Variants in PASK observed in about 807,000 individuals in gnomAD.
The protein encoded by PASK is PAS domain-containing serine/threonine-protein kinase.
In PASK, 110 loss-of-function variants were observed where a neutral mutation model predicts 121.0. The ratio of observed to expected loss-of-function variants is 0.91; its 90% CI spans 0.78 to 1.06. PASK has a LOEUF of 1.06. Ranked by LOEUF, PASK falls within the 50% of genes least tolerant of loss-of-function variation. The probability of loss-of-function intolerance (pLI) is 0.00; values close to 1 mark genes in which losing one functional copy is unlikely to be tolerated. For missense variants in PASK, 1,643 were observed against 1,702.3 expected (o/e 0.97, Z 0.61); for synonymous variants, 686 against 717.8 (o/e 0.96, Z 0.71).
chr2:241,138,612 GC>G, intron 5 of PASK, 41 bp downstream of exon 5: 1 of 1,610,998 alleles, frequency 6.2e-7, no homozygotes, highest in East Asian at 2.2e-5. Flanking sequence ...AACGACGCCG[GC>G]TCCAGCGTCC....
Position 241,127,427 on chromosome 2 carries a change from G to C in PASK, c.1488C>G (p.Ser496Arg). 1.2e-6 allele frequency: 2 copies of C among 1,614,048 alleles called. No homozygotes were observed. The highest frequency in any genetic ancestry group is 1.7e-6 in the Non-Finnish European group (2 of 1,179,908). Residue 496 changes from serine (S) to arginine (R), a missense_variant, in exon 10 of 18, where the codon AGC (serine) becomes AGG (arginine). Coordinates refer to ENST00000234040, the MANE Select transcript of PASK (RefSeq NM_015148.4). ...APGVDNVPEG[S>R]LPVHGEQALP... ...GCGCCTGTTCACCGTGCACTGGCAG[G>C]CTTCCTTCTGGGACATTGTCCACCC... is the stretch of plus-strand genomic sequence containing the variant.
At chr2:241,119,040 AC>A in intron 12 of PASK, 1 of 642,344 alleles carries the variant, frequency 1.6e-6, no homozygotes, top group Non-Finnish European at 2.0e-6. Flanking sequence ...CCTGAGGCCC[AC>A]CCCAGAGGCT....
chr2:241,121,422 A>G (rs2065604798), intron 12 of PASK, among the ~76,000 whole-genome samples: 1 of 152,252 alleles, frequency 6.6e-6, no homozygotes, highest in Non-Finnish European at 1.5e-5. Context: ...AATAAAATAT[A>G]GTCAACAGAA....
At chr2:241,148,835 A>C (rs961162624) in intron 1 of PASK, among the ~76,000 whole-genome samples, 6 of 152,212 alleles carry the variant, frequency 3.9e-5, no homozygotes, top group African/African-American at 1.4e-4. Context: ...AATGGTACTG[A>C]GATGCGGAAG....
Position 241,112,980 on chromosome 2 carries a change from G to GT in PASK, c.3334-542dup, listed in dbSNP as rs1195602435. On this transcript the variant is annotated intron_variant, in intron 14 of 17. Transcript: ENST00000234040. The surrounding 1 kb of genome is among the most constrained non-coding windows in gnomAD (Gnocchi z 5.2). ...GTGGCTTCTCAGAGAGCAGCATGAC[G>GT]TATCAGCCATCCTTTCCCCAAATGT... is the stretch of plus-strand genomic sequence containing the variant. 6.6e-6 allele frequency among the ~76,000 whole-genome samples: 1 copy of GT among 152,228 alleles called. No individual in the cohort carries two copies. The highest frequency in any genetic ancestry group is 1.5e-5 in the Non-Finnish European group (1 of 68,040).
intron 7 of PASK, 44 bp downstream of exon 7, chr2:241,136,960 C>A (rs1280373638): frequency 5.6e-6 from 9 of 1,594,262 alleles, no homozygotes; most frequent in African/African-American, 1.3e-5. Context: ...AGCACAGCAG[C>A]TTCCTCCCAG....
At chr2:241,115,524 C>A in intron 12 of PASK, 111 bp from the exon 13 acceptor site, 2 of 1,288,906 alleles carry the variant, frequency 1.6e-6, no homozygotes, top group South Asian at 1.2e-5. Flanking sequence ...GCCACCCGGT[C>A]CTCAAGCATC....
chr2:241,119,265 G>C (rs894789262), intron 12 of PASK, among the ~76,000 whole-genome samples: 1 of 152,190 alleles, frequency 6.6e-6, no homozygotes, highest in Non-Finnish European at 1.5e-5. Context: ...CTTTCGGAGG[G>C]TGGGGAGGGA....
At position 241,112,138 on chromosome 2, in the gene PASK, C is replaced by A; in HGVS notation, c.3533+102G>T. ...CACCCTGACCACTCAACACTCATCA[C>A]AAAGAGGCACAAAGGAAGCCATTTT... On this transcript the variant is annotated intron_variant, in intron 15 of 17. Transcript: ENST00000234040. This position sits in a 1 kb window ranked among gnomAD's most constrained non-coding sequence, Gnocchi z 5.2. 1.1e-6 allele frequency: 1 copy of A among 899,330 alleles called. No homozygotes were observed. Among genetic ancestry groups the A allele is most frequent in the South Asian group, 1.4e-5 (1 of 73,968 alleles). 55.7% of individuals were successfully genotyped at this position (899,330 alleles called of 1,614,324 possible).
At chr2:241,146,483 A>G (rs2066962077) in intron 1 of PASK, among the ~76,000 whole-genome samples, 1 of 152,182 alleles carries the variant, frequency 6.6e-6, no homozygotes, top group South Asian at 2.1e-4. Context: ...AGAGGGAGGA[A>G]AAAAGGAAAT....
chr2:241,123,170 GCTT>G (rs371817245), intron 11 of PASK, among the ~76,000 whole-genome samples: 7 of 144,348 alleles, frequency 4.8e-5, no homozygotes, highest in African/African-American at 1.1e-4. Context: ...ATTTAAAGTG[GCTT>G]CTTTTTTTTT....
rs747034071 is a variant in PASK at position 241,112,326 on chromosome 2, C to T, written c.3447G>A (p.Ser1149=). The change falls in exon 15 of 18, where the codon TCG becomes TCA. Residue 1149 remains serine, a synonymous_variant. Coordinates refer to ENST00000234040, the MANE Select transcript of PASK (RefSeq NM_015148.4). This position sits in a 1 kb window ranked among gnomAD's most constrained non-coding sequence, Gnocchi z 5.2. ...DFTIKLIDFG[S]AAYLERGKLF... ...ATTTTCCCCTTTCCAAGTAGGCGGC[C>T]GAGCCAAAGTCTATCAGCTTGATTG... 2.1e-5 allele frequency: 34 copies of T among 1,613,356 alleles called. No homozygotes were observed. In the East Asian group the frequency reaches 6.2e-4, roughly 30 times the overall value.
rs113453224 is a variant in PASK at position 241,136,910 on chromosome 2, C to T, written c.1137+94G>A. The T allele has an allele frequency of 2.0e-3, 2,401 of 1,201,274 alleles. 5 individuals carry two copies. The highest frequency in any genetic ancestry group is 2.4e-3 in the Non-Finnish European group (2,009 of 822,296). The allele number at this position is 1,201,274 out of a possible 1,614,324, so 74.4% of individuals were successfully genotyped here. A position where few individuals can be genotyped will look rare whatever the true frequency, so the allele number is the denominator to read the frequency against. ...TAAAGGAGCGAGCTGGAGAGCTTGCCGGGTGCGAGGCCTGTGCCACACGCA... is the reference window on the plus strand; with the variant it reads ...TAAAGGAGCGAGCTGGAGAGCTTGCTGGGTGCGAGGCCTGTGCCACACGCA... On this transcript the variant is annotated intron_variant, in intron 7 of 17. Coordinates refer to ENST00000234040, the MANE Select transcript of PASK (RefSeq NM_015148.4).
chr2:241,108,123 C>T lies in PASK; in HGVS notation c.3667+44G>A. ...AATGGGAAAAAAAAGTGGCTGGTCT[C>T]TAAGGACAGTGTCGACTGTCTACCA... is the stretch of plus-strand genomic sequence containing the variant. On this transcript the variant is annotated intron_variant, in intron 16 of 17. Coordinates refer to ENST00000234040, the MANE Select transcript of PASK (RefSeq NM_015148.4). The surrounding 1 kb of genome is among the most constrained non-coding windows in gnomAD (Gnocchi z 5.2). The T allele has an allele frequency of 6.2e-7, 1 of 1,610,266 alleles. No homozygotes were observed. Among genetic ancestry groups the T allele is most frequent in the South Asian group, 1.1e-5 (1 of 91,020 alleles).
intron 8 of PASK, 65 bp from the exon 9 acceptor site, chr2:241,133,095 T>C (rs2066244135): frequency 6.7e-7 from 1 of 1,503,490 alleles, no homozygotes; most frequent in Non-Finnish European, 9.2e-7. Flanking sequence ...AATCTGCTCA[T>C]TCGCCTGGAA....
In PASK at chr2:241,140,501, T is replaced by C; in HGVS notation, c.429+20A>G. The C allele has an allele frequency of 4.0e-6, 6 of 1,505,964 alleles. No homozygotes were observed. The highest frequency in any genetic ancestry group is 5.5e-6 in the Non-Finnish European group (6 of 1,086,536). The allele number at this position is 1,505,964 out of a possible 1,614,324, so 93.3% of individuals were successfully genotyped here. On this transcript the variant is annotated intron_variant, in intron 3 of 17. Transcript: ENST00000234040. ...ACAAATCCACATCTACACAGCTGGA[T>C]CTAAAAGAGAAGCAAATACCTCTGT...
chr2:241,142,221 C>T (rs1188704761), intron 2 of PASK, among the ~76,000 whole-genome samples: 3 of 152,214 alleles, frequency 2.0e-5, no homozygotes, highest in Non-Finnish European at 2.9e-5. Flanking sequence ...CTCCCAGCCA[C>T]CATTTCCCGC....
chr2:241,128,726 C>T (rs747132134), intron 9 of PASK, among the ~76,000 whole-genome samples: 14 of 152,054 alleles, frequency 9.2e-5, no homozygotes, highest in African/African-American at 1.4e-4. Context: ...AATTAGCCAG[C>T]GTGGTGACAC....
rs977593450 is a variant in PASK at position 241,122,978 on chromosome 2, C to T, written c.2905-79G>A. ...TGCAGCACCCACAGTGGTCCCCCTG[C>T]GTCTTCAGCAGCCGCCCGAGGCAGG... On this transcript the variant is annotated intron_variant, in intron 11 of 17. Transcript: ENST00000234040. 8.2e-5 allele frequency: 117 copies of T among 1,425,782 alleles called. 1 individual carries two copies. The Middle Eastern group carries it at 1.8e-3, about 22-fold the overall frequency. The allele number at this position is 1,425,782 out of a possible 1,614,324, so 88.3% of individuals were successfully genotyped here.
Sources: allele counts gnomAD v4.1 joint callset (sites outside exome capture counted in the v4.1 genomes callset), GRCh38; gene constraint gnomAD v4.1.1; non-coding constraint Gnocchi (gnomAD v3.1); transcripts MANE v1.5; gene names NCBI Gene and HGNC (gene_info 2026-07-23, HGNC 2026-07-21).